LSAMP: variants seen among roughly 807,000 people sequenced by gnomAD.
LSAMP encodes the protein limbic system associated membrane protein, also known as limbic system-associated membrane protein.
In LSAMP, 7 loss-of-function variants were observed where a neutral mutation model predicts 38.6. That is an observed-to-expected ratio of 0.18 (90% CI 0.10 to 0.34). LSAMP has a LOEUF of 0.34. Among genes scored for constraint, LSAMP ranks in the 10% least tolerant of loss-of-function variants. The probability of loss-of-function intolerance (pLI) is 1.00; values close to 1 mark genes in which losing one functional copy is unlikely to be tolerated. For missense variants in LSAMP, 313 were observed against 420.0 expected, an observed-to-expected ratio of 0.75 and a Z score of 2.23; for synonymous variants, 154 against 166.8, an observed-to-expected ratio of 0.92 and a Z score of 0.59.
At chr3:116,379,300 G>A (rs530765681) in intron 1 of LSAMP, among the ~76,000 whole-genome samples, 63 of 152,154 alleles carry the variant, frequency 4.1e-4, no homozygotes, top group African/African-American at 1.4e-3. Flanking sequence ...GATAAAAAGT[G>A]ATGGGGTAGC....
intron 1 of LSAMP, among the ~76,000 whole-genome samples, chr3:116,364,168 A>G (rs1164811311): frequency 3.4e-5 from 2 of 58,160 alleles, no homozygotes; most frequent in Non-Finnish European, 5.8e-5. Flanking sequence ...GCAAAGTCTC[A>G]GGATACAAAA....
intron 1 of LSAMP, among the ~76,000 whole-genome samples, chr3:116,243,417 G>A (rs1252244739): frequency 6.6e-6 from 1 of 152,040 alleles, no homozygotes; most frequent in East Asian, 1.9e-4. Flanking sequence ...AACTGCCTGG[G>A]GCTAGCACAA....
At chr3:115,946,571 C>T (rs188689736) in intron 3 of LSAMP, among the ~76,000 whole-genome samples, 116 of 152,230 alleles carry the variant, frequency 7.6e-4, no homozygotes, top group Admixed American at 2.9e-3. Flanking sequence ...AAACAATTTA[C>T]CAAAATTGGC....
At chr3:116,280,800 C>G (rs568799742) in intron 1 of LSAMP, among the ~76,000 whole-genome samples, 18 of 152,126 alleles carry the variant, frequency 1.2e-4, no homozygotes, top group South Asian at 4.1e-4. Flanking sequence ...AGTGGCCATT[C>G]GGCACAAACT....
Position 115,887,051 on chromosome 3 carries a change from A to G in LSAMP, c.515-34434T>C, listed in dbSNP as rs1193881347. ...CAATAATTAACATACAAGGCATTTT[A>G]TATGTTCTCGATATTAGAACAACAG... On this transcript the variant is annotated intron_variant, in intron 3 of 6. Transcript: ENST00000490035. Among the ~76,000 whole-genome samples, 5 of 152,006 alleles carry G rather than the reference A, an allele frequency of 3.3e-5. No homozygotes were observed. In the East Asian group the frequency reaches 9.7e-4, roughly 29 times the overall value.
chr3:115,978,981 T>A (rs187526812), intron 3 of LSAMP, among the ~76,000 whole-genome samples: 2 of 152,198 alleles, frequency 1.3e-5, no homozygotes, highest in East Asian at 3.9e-4. Context: ...ATTTATTTAT[T>A]GGTAGAGTGG....
chr3:116,091,167 A>G (rs1708114838), intron 1 of LSAMP, among the ~76,000 whole-genome samples: 1 of 152,196 alleles, frequency 6.6e-6, no homozygotes, highest in Non-Finnish European at 1.5e-5. Context: ...TGAGAAAAAG[A>G]ATTCAGTGAT....
chr3:116,209,661 A>C (rs947952924), intron 1 of LSAMP, among the ~76,000 whole-genome samples: 2 of 152,130 alleles, frequency 1.3e-5, no homozygotes, highest in Non-Finnish European at 2.9e-5. Context: ...CCCAAACGCA[A>C]ACAGTGATCA....
At chr3:115,833,917 G>A (rs543242699) in intron 6 of LSAMP, among the ~76,000 whole-genome samples, 6 of 151,946 alleles carry the variant, frequency 3.9e-5, no homozygotes, top group Non-Finnish European at 7.4e-5. Context: ...TGCACCTTGC[G>A]TCTAAATACG....
chr3:116,033,664 T>A (rs192531628), intron 2 of LSAMP, among the ~76,000 whole-genome samples: 5 of 152,240 alleles, frequency 3.3e-5, no homozygotes, highest in Non-Finnish European at 1.5e-5. Flanking sequence ...CACGACCCTC[T>A]GTGACTGTGT....
chr3:116,209,407 G>C (rs2046122004), intron 1 of LSAMP, among the ~76,000 whole-genome samples: 1 of 152,194 alleles, frequency 6.6e-6, no homozygotes, highest in Non-Finnish European at 1.5e-5. Context: ...TTCCTGTTCA[G>C]CCATCTTGGC....
intron 3 of LSAMP, among the ~76,000 whole-genome samples, chr3:115,906,745 T>C (rs990326312): frequency 6.6e-6 from 1 of 152,170 alleles, no homozygotes. Flanking sequence ...GCCCATTGAA[T>C]GTTAAGTCCT....
intron 1 of LSAMP, among the ~76,000 whole-genome samples, chr3:116,306,938 C>T (rs187419158): frequency 1.3e-5 from 2 of 151,898 alleles, no homozygotes; most frequent in East Asian, 1.9e-4. Flanking sequence ...TGCAGGGCAG[C>T]CTTTGAACTA....
chr3:115,836,720 A>G (rs1934802297), intron 6 of LSAMP, among the ~76,000 whole-genome samples: 1 of 152,200 alleles, frequency 6.6e-6, no homozygotes, highest in South Asian at 2.1e-4. Context: ...GTTTGCATCT[A>G]GTGCTTCAAA....
chr3:116,410,925 TC>T (rs1162902352), intron 1 of LSAMP, among the ~76,000 whole-genome samples: 2 of 152,128 alleles, frequency 1.3e-5, no homozygotes, highest in African/African-American at 4.8e-5. Flanking sequence ...GCTCTATTTC[TC>T]CAGGCCATAG....
intron 3 of LSAMP, among the ~76,000 whole-genome samples, chr3:115,990,522 T>C (rs1472563945): frequency 6.6e-6 from 1 of 152,106 alleles, no homozygotes; most frequent in Admixed American, 6.6e-5. Context: ...ATGCTTATTT[T>C]CTTTCTAGCC....
chr3:116,312,616 T>C (rs2047571804), intron 1 of LSAMP, among the ~76,000 whole-genome samples: 1 of 152,194 alleles, frequency 6.6e-6, no homozygotes, highest in Admixed American at 6.5e-5. Flanking sequence ...ATTTGTTAGA[T>C]ATGCCAGAGC....
chr3:116,371,435 G>GA lies in LSAMP; in HGVS notation c.155+73441dup, dbSNP rs562205223. 8.6e-5 allele frequency among the ~76,000 whole-genome samples: 13 copies of GA among 151,036 alleles called. No homozygotes were observed. The South Asian group carries it at 1.5e-3, about 17-fold the overall frequency. On this transcript the variant is annotated intron_variant, in intron 1 of 6. Transcript: ENST00000490035. The stretch of plus-strand genomic sequence containing the variant: ...ATATACACATTAACAAAATAAAGAG[G>GA]AAAAAAAACACATTATCATCCCAAT...
chr3:116,142,798 A>C (rs1709399244), intron 1 of LSAMP, among the ~76,000 whole-genome samples: 1 of 151,832 alleles, frequency 6.6e-6, no homozygotes, highest in African/African-American at 2.4e-5. Context: ...ATAACAACAA[A>C]TTCGGGTGCT....
Sources: gnomAD v4.1 joint callset for allele counts (sites outside exome capture counted in the v4.1 genomes callset) on GRCh38, gnomAD v4.1.1 for gene constraint, MANE v1.5 for transcripts, NCBI Gene and HGNC (gene_info 2026-07-23, HGNC 2026-07-21) for gene names.